The following DYTN variants were observed in gnomAD, a reference collection of about 807,000 sequenced individuals.
DYTN encodes dystrotelin.
Under a neutral mutation model 69.6 loss-of-function variants are expected in DYTN, and 75 were observed. The ratio of observed to expected loss-of-function variants is 1.08; its 90% confidence interval spans 0.89 to 1.31. The LOEUF (loss-of-function observed/expected upper bound fraction) is 1.31, where lower values mean the gene tolerates loss of function less well. Ranked by LOEUF, DYTN falls within the 50% of genes most tolerant of loss-of-function variation. DYTN has a pLI of 0.00. For synonymous variants in DYTN, 252 were observed against 249.1 expected (o/e 1.01, Z -0.11); for missense variants, 726 against 688.4 (o/e 1.05, Z -0.61).
chr2:206,656,179 A>G (rs1290480984), intron 11 of DYTN, among the ~76,000 whole-genome samples: 3 of 152,160 alleles, frequency 2.0e-5, no homozygotes, highest in African/African-American at 7.2e-5. Flanking sequence ...TGGTGTATAT[A>G]TTATAATAAT....
chr2:206,695,995 T>C (rs1699916684), intron 7 of DYTN, among the ~76,000 whole-genome samples: 1 of 152,236 alleles, frequency 6.6e-6, no homozygotes, highest in South Asian at 2.1e-4. Flanking sequence ...TTTCATATCT[T>C]GCGGCAAAAC....
chr2:206,701,435 A>G lies in DYTN; in HGVS notation c.484-1219T>C, dbSNP rs1001955158. Among the ~76,000 whole-genome samples, 3 of 152,364 alleles carry G rather than the reference A, an allele frequency of 2.0e-5. No homozygotes were observed. The East Asian group carries it at 5.8e-4, about 29-fold the overall frequency. ...GAATAAAAAATGTGGTATGTAATAT[A>G]CAACAGAATAGTACTCAGCCTTAGG... On this transcript the variant is annotated intron_variant, in intron 5 of 11. Coordinates refer to ENST00000452335, the MANE Select transcript of DYTN (RefSeq NM_001093730.1).
At chr2:206,665,614 A>T (rs1167853206) in intron 10 of DYTN, among the ~76,000 whole-genome samples, 1 of 152,174 alleles carries the variant, frequency 6.6e-6, no homozygotes, top group Non-Finnish European at 1.5e-5. Flanking sequence ...AGGTTAAAAA[A>T]CCGACGCTAT....
At chr2:206,705,494 G>A (rs572814954) in intron 4 of DYTN, among the ~76,000 whole-genome samples, 12 of 152,358 alleles carry the variant, frequency 7.9e-5, no homozygotes, top group African/African-American at 2.2e-4. Context: ...AGAAGATCAT[G>A]AGGTTGGTAA....
At chr2:206,704,706 C>T (rs1700007863) in intron 5 of DYTN, 137 bp downstream of exon 5, 1 of 692,454 alleles carries the variant, frequency 1.4e-6, no homozygotes. Flanking sequence ...CAAGTAACAG[C>T]AATGGCTATG....
intron 9 of DYTN, among the ~76,000 whole-genome samples, chr2:206,680,969 A>T (rs1275078230): frequency 6.6e-6 from 1 of 152,232 alleles, no homozygotes; most frequent in Non-Finnish European, 1.5e-5. Flanking sequence ...TACTTTGGAC[A>T]GTATGGCTAT....
intron 9 of DYTN, among the ~76,000 whole-genome samples, chr2:206,675,751 C>G (rs1699680046): frequency 6.6e-6 from 1 of 152,010 alleles, no homozygotes; most frequent in African/African-American, 2.4e-5. Context: ...GTTATACAAC[C>G]CCATCAAAAA....
intron 9 of DYTN, among the ~76,000 whole-genome samples, chr2:206,667,408 C>T (rs1208570990): frequency 1.3e-5 from 2 of 152,164 alleles, no homozygotes; most frequent in African/African-American, 2.4e-5. Flanking sequence ...AGTCTTTGCT[C>T]TCAAGGCGCC....
intron 11 of DYTN, among the ~76,000 whole-genome samples, chr2:206,661,128 G>A (rs1699507181): frequency 6.6e-6 from 1 of 152,218 alleles, no homozygotes; most frequent in South Asian, 2.1e-4. Flanking sequence ...CATGAGGGAA[G>A]ACAGCCATTT....
intron 11 of DYTN, among the ~76,000 whole-genome samples, chr2:206,657,850 T>C (rs991363445): frequency 6.6e-6 from 1 of 152,202 alleles, no homozygotes; most frequent in Non-Finnish European, 1.5e-5. Context: ...AGTCTTTCAG[T>C]TCATCTAACT....
chr2:206,658,022 C>A (rs767131239), intron 11 of DYTN, among the ~76,000 whole-genome samples: 7 of 152,100 alleles, frequency 4.6e-5, no homozygotes, highest in Admixed American at 2.0e-4. Context: ...GCATCCCATG[C>A]GTCCCTTAAA....
Position 206,662,918 on chromosome 2 carries a change from G to A in DYTN, c.1618C>T (p.Leu540=), listed in dbSNP as rs777783195. ...AAAACCTTACCTGATGGCGTTTCTA[G>A]ATTGAAGGCATCCATAAGTTTTGAC... The part of the protein sequence containing the change: ...LLSKLMDAFN[L]ETPSGPESSV... Residue 540 remains leucine (L), a synonymous_variant, in exon 11 of 12, where the codon CTA becomes TTA. Coordinates refer to ENST00000452335, the MANE Select transcript of DYTN (RefSeq NM_001093730.1). The A allele has an allele frequency of 1.9e-6, 3 of 1,612,912 alleles. No homozygotes were observed. The South Asian group carries it at 3.3e-5, about 18-fold the overall frequency.
rs1010681220 is a variant in DYTN at position 206,693,366 on chromosome 2, T to C, written c.832-43A>G. On this transcript the variant is annotated intron_variant, in intron 8 of 11. Coordinates refer to ENST00000452335, the MANE Select transcript of DYTN (RefSeq NM_001093730.1). The stretch of plus-strand genomic sequence containing the variant: ...ATTTTTAAAAAGCGTCAGATCAGTC[T>C]ACGTGTGGTCTTCCTTCCTTACTTG... 4 of 1,580,930 alleles carry C rather than the reference T, an allele frequency of 2.5e-6. No individual in the cohort carries two copies. The African/African-American group carries it at 4.1e-5, about 16-fold the overall frequency.
intron 2 of DYTN, among the ~76,000 whole-genome samples, chr2:206,709,349 T>C (rs1407859658): frequency 6.6e-6 from 1 of 151,964 alleles, no homozygotes; most frequent in Admixed American, 6.6e-5. Context: ...CTCGGGAGGT[T>C]GAGGTGGAAG....
At chr2:206,659,315 G>C (rs1699481819) in intron 11 of DYTN, among the ~76,000 whole-genome samples, 1 of 151,066 alleles carries the variant, frequency 6.6e-6, no homozygotes. Context: ...GGGACTACAG[G>C]CTCCAGCCAC....
intron 9 of DYTN, among the ~76,000 whole-genome samples, chr2:206,679,367 T>C (rs1352852006): frequency 1.3e-5 from 2 of 152,154 alleles, no homozygotes; most frequent in Non-Finnish European, 1.5e-5. Flanking sequence ...TAGCCAATAA[T>C]AGAAATAAAA....
intron 9 of DYTN, among the ~76,000 whole-genome samples, chr2:206,692,657 A>G (rs932653714): frequency 2.0e-5 from 3 of 152,188 alleles, no homozygotes; most frequent in Non-Finnish European, 2.9e-5. Context: ...TAAGGAAGAG[A>G]GTAAGGCCAT....
chr2:206,669,275 T>C (rs535468042), intron 9 of DYTN, among the ~76,000 whole-genome samples: 4 of 152,362 alleles, frequency 2.6e-5, no homozygotes, highest in African/African-American at 9.6e-5. Context: ...TGTGGGACTT[T>C]AATCCCTTAA....
intron 4 of DYTN, 76 bp from the exon 5 acceptor site, chr2:206,705,019 C>G (rs1700012058): frequency 1.7e-6 from 2 of 1,210,240 alleles, no homozygotes; most frequent in African/African-American, 3.0e-5. Flanking sequence ...TTTGAAGTAA[C>G]AGTCTCTTTG....
Sources: gnomAD v4.1 joint callset for allele counts (sites outside exome capture counted in the v4.1 genomes callset) on GRCh38, gnomAD v4.1.1 for gene constraint, MANE v1.5 for transcripts, NCBI Gene and HGNC (gene_info 2026-07-23, HGNC 2026-07-21) for gene names.